XRCC4: variants seen among roughly 807,000 people sequenced by gnomAD.
The protein encoded by XRCC4 is DNA repair protein XRCC4.
XRCC4 carries 28 observed loss-of-function variants against 39.1 expected under a neutral mutation model. That is an observed-to-expected ratio of 0.72 (90% confidence interval 0.53 to 0.98). The LOEUF (loss-of-function observed/expected upper bound fraction) is 0.98, where lower values mean the gene tolerates loss of function less well. XRCC4 is among the 50% of genes least tolerant of loss of function. XRCC4 has a pLI of 0.00. For synonymous variants in XRCC4, 123 were observed against 126.4 expected (o/e 0.97, Z 0.18); for missense variants, 350 against 376.4 (o/e 0.93, Z 0.58).
At chr5:83,187,325 C>T (rs1000424777) in intron 3 of XRCC4, among the ~76,000 whole-genome samples, 4 of 152,168 alleles carry the variant, frequency 2.6e-5, no homozygotes, top group African/African-American at 9.7e-5. Flanking sequence ...AGGAACGTGT[C>T]TCTAATTTTA....
intron 6 of XRCC4, among the ~76,000 whole-genome samples, chr5:83,240,954 G>A (rs182769168): frequency 6.6e-6 from 1 of 152,184 alleles, no homozygotes; most frequent in Non-Finnish European, 1.5e-5. Flanking sequence ...AAAAATTCAG[G>A]GCCAGGCGCG....
At chr5:83,289,783 C>T (rs761550986) in intron 7 of XRCC4, among the ~76,000 whole-genome samples, 2 of 151,656 alleles carry the variant, frequency 1.3e-5, no homozygotes, top group African/African-American at 2.4e-5. Flanking sequence ...ACATATCCCA[C>T]GTGGGATAGG....
chr5:83,267,374 C>G (rs1753993030), intron 7 of XRCC4, among the ~76,000 whole-genome samples: 1 of 152,188 alleles, frequency 6.6e-6, no homozygotes, highest in Non-Finnish European at 1.5e-5. Context: ...ACCACCTGCT[C>G]TATCCACAGG....
intron 7 of XRCC4, chr5:83,310,954 G>A (rs914257760): frequency 3.6e-5 from 15 of 419,872 alleles, no homozygotes; most frequent in Middle Eastern, 3.5e-4. Context: ...TCTTCCCTTC[G>A]AGCCTCCGGA....
chr5:83,105,125 C>T lies in XRCC4; in HGVS notation c.139+67C>T, dbSNP rs558436058. 11 of 1,456,522 alleles carry T rather than the reference C, an allele frequency of 7.6e-6. No homozygotes were observed. The East Asian group carries it at 2.6e-4, about 35-fold the overall frequency. The allele number at this position is 1,456,522 out of a possible 1,614,324, so 90.2% of individuals were successfully genotyped here. On this transcript the variant is annotated intron_variant, in intron 2 of 7. Transcript: ENST00000396027. ...TGCTATTCTTCAGTCCTCAGGGATA[C>T]TTTTCCATTAGATATTGGGTAAAAC...
intron 7 of XRCC4, among the ~76,000 whole-genome samples, chr5:83,341,001 AGACTAATG>A (rs1198534886): frequency 6.6e-6 from 1 of 152,054 alleles, no homozygotes; most frequent in Non-Finnish European, 1.5e-5. Context: ...TTATGGTTTC[AGACTAATG>A]GATGTTGTTT....
intron 1 of XRCC4, among the ~76,000 whole-genome samples, chr5:83,090,346 G>GT (rs373782505): frequency 1.3e-3 from 198 of 151,784 alleles, no homozygotes; most frequent in African/African-American, 4.5e-3. Context: ...GGTGGGGTTG[G>GT]GGGGGGCTCC....
intron 7 of XRCC4, among the ~76,000 whole-genome samples, chr5:83,306,891 A>G (rs1248146329): frequency 6.6e-6 from 1 of 152,198 alleles, no homozygotes; most frequent in African/African-American, 2.4e-5. Context: ...GAAAGCAGAA[A>G]GAAAAGGGGG....
chr5:83,234,398 T>C (rs1225586233), intron 6 of XRCC4, among the ~76,000 whole-genome samples: 3 of 152,170 alleles, frequency 2.0e-5, no homozygotes, highest in African/African-American at 7.2e-5. Flanking sequence ...ATTCACTCAC[T>C]CATTTATTTA....
chr5:83,267,948 T>C (rs550584953), intron 7 of XRCC4, among the ~76,000 whole-genome samples: 1 of 152,316 alleles, frequency 6.6e-6, no homozygotes, highest in African/African-American at 2.4e-5. Flanking sequence ...ACAAAGAGAC[T>C]TATTTATTTG....
intron 7 of XRCC4, among the ~76,000 whole-genome samples, chr5:83,284,033 A>T (rs191665968): frequency 7.3e-6 from 1 of 136,346 alleles, no homozygotes; most frequent in Non-Finnish European, 1.6e-5. Flanking sequence ...CTTCCCAAAA[A>T]CCTTCTACCA....
chr5:83,306,734 A>G (rs1286458819), intron 7 of XRCC4, among the ~76,000 whole-genome samples: 1 of 152,206 alleles, frequency 6.6e-6, no homozygotes, highest in Non-Finnish European at 1.5e-5. Flanking sequence ...CTCCAGCAAT[A>G]AGACTGATCG....
chr5:83,276,663 TA>T (rs1754346515), intron 7 of XRCC4, among the ~76,000 whole-genome samples: 1 of 152,206 alleles, frequency 6.6e-6, no homozygotes, highest in South Asian at 2.1e-4. Context: ...TCCAGAACTT[TA>T]ATAAAGAAAT....
intron 3 of XRCC4, among the ~76,000 whole-genome samples, chr5:83,135,705 T>C (rs1019481197): frequency 6.6e-6 from 1 of 152,140 alleles, no homozygotes; most frequent in Non-Finnish European, 1.5e-5. Context: ...CTGCTGTGCT[T>C]TGTCTAATGT....
At chr5:83,159,125 A>T (rs1434330373) in intron 3 of XRCC4, among the ~76,000 whole-genome samples, 1 of 152,192 alleles carries the variant, frequency 6.6e-6, no homozygotes, top group Non-Finnish European at 1.5e-5. Flanking sequence ...AAAAACAATC[A>T]TTGGTTTGAG....
At chr5:83,371,134 C>T in the XRCC4 span, among the ~76,000 whole-genome samples, 1 of 152,112 alleles carries the variant, frequency 6.6e-6, no homozygotes, top group African/African-American at 2.4e-5. Context: ...CCACTCTTCT[C>T]TTTGTCTTGA....
At chr5:83,150,722 T>A (rs1748662387) in intron 3 of XRCC4, among the ~76,000 whole-genome samples, 1 of 152,162 alleles carries the variant, frequency 6.6e-6, no homozygotes, top group Non-Finnish European at 1.5e-5. Context: ...TTTTTGAAAT[T>A]TATTCTATGT....
chr5:83,372,127 T>C, the XRCC4 span, among the ~76,000 whole-genome samples: 1 of 152,164 alleles, frequency 6.6e-6, no homozygotes, highest in African/African-American at 2.4e-5. Context: ...AGTCACAAAA[T>C]TGTGAAGAGT....
At chr5:83,124,571 A>G (rs146955862) in intron 3 of XRCC4, among the ~76,000 whole-genome samples, 2,042 of 152,274 alleles carry the variant, frequency 0.013, 22 homozygotes, top group Non-Finnish European at 0.02. Flanking sequence ...TTTGGCTATT[A>G]GAAAGCTGCT....
Sources: allele counts gnomAD v4.1 joint callset (sites outside exome capture counted in the v4.1 genomes callset), GRCh38; gene constraint gnomAD v4.1.1; transcripts MANE v1.5; gene names NCBI Gene and HGNC (gene_info 2026-07-23, HGNC 2026-07-21).